Variants in CCDC127 observed in about 807,000 individuals in gnomAD.
CCDC127 encodes the protein coiled-coil domain-containing protein 127.
Under a neutral mutation model 4.1 loss-of-function variants are expected in CCDC127, and 2 were observed. The ratio of observed to expected loss-of-function variants is 0.49; its 90% CI spans 0.20 to 1.53. The LOEUF (loss-of-function observed/expected upper bound fraction) is 1.53. CCDC127 is among the 40% of genes most tolerant of loss of function. The pLI, the probability that CCDC127 is intolerant of heterozygous loss-of-function variation, is 0.23. For missense variants in CCDC127, 271 were observed against 322.9 expected, an observed-to-expected ratio of 0.84 and a Z score of 1.23; for synonymous variants, 98 against 120.4, an observed-to-expected ratio of 0.81 and a Z score of 1.22.
intron 2 of CCDC127, 52 bp downstream of exon 2, chr5:216,677 G>A: frequency 6.2e-7 from 1 of 1,612,670 alleles, no homozygotes; most frequent in South Asian, 1.1e-5. Flanking sequence ...CCTCACCGGG[G>A]CTCCACACTC....
Position 205,377 on chromosome 5 carries a change from A to G in CCDC127, c.703T>C (p.Trp235Arg). 6.2e-7 allele frequency: 1 copy of G among 1,614,232 alleles called. No homozygotes were observed. The highest frequency in any genetic ancestry group is 1.1e-5 in the South Asian group (1 of 91,088). Residue 235 changes from tryptophan to arginine, a missense_variant, in exon 3 of 3, where the codon TGG becomes CGG. Coordinates refer to ENST00000296824, the MANE Select transcript of CCDC127 (RefSeq NM_145265.3). ...AGTTCCCAGTATTTGAGATAGAGCC[A>G]CATGAGTCTGCCATTCTGGCGTTTG... Reference protein sequence around the residue: ...TNKRQNGRLMWLYLKYWELVV... With the variant: ...TNKRQNGRLMRLYLKYWELVV...
Position 203,261 on chromosome 5 carries a change from T to G in CCDC127, c.*2036A>C, listed in dbSNP as rs1202360115. The G allele has an allele frequency of 6.6e-6, 1 of 151,210 alleles. No individual in the cohort carries two copies. Among genetic ancestry groups the G allele is most frequent in the Non-Finnish European group, 1.5e-5 (1 of 67,876 alleles). The allele number at this position is 151,210 out of a possible 1,614,324, so 9.4% of individuals were successfully genotyped here. A position where few individuals can be genotyped will look rare whatever the true frequency, so the allele number is the denominator to read the frequency against. ...AAAAAATAAAAAATGAAAATAAAAGTGACTTTTTCTCAGATAAAGCGATGG... is the reference window on the plus strand; with the variant it reads ...AAAAAATAAAAAATGAAAATAAAAGGGACTTTTTCTCAGATAAAGCGATGG... On this transcript the variant is annotated 3_prime_UTR_variant, in exon 3 of 3. Coordinates refer to ENST00000296824, the MANE Select transcript of CCDC127 (RefSeq NM_145265.3).
In CCDC127 at chr5:203,297, G is replaced by A. The variant is rs549136988; in HGVS notation, c.*2000C>T. The A allele has an allele frequency of 6.6e-6, 1 of 152,142 alleles. No homozygotes were observed. The highest frequency in any genetic ancestry group is 6.5e-5 in the Admixed American group (1 of 15,272). The allele number at this position is 152,142 out of a possible 1,614,324, so 9.4% of individuals were successfully genotyped here. On this transcript the variant is annotated 3_prime_UTR_variant, in exon 3 of 3. Transcript: ENST00000296824. ...CAGATAAAGCGATGGTGGTAGAGCAGAGAGGCACGCTAGCAGCCACTGAAG... is the reference window on the plus strand; with the variant it reads ...CAGATAAAGCGATGGTGGTAGAGCAAAGAGGCACGCTAGCAGCCACTGAAG...
intron 2 of CCDC127, among the ~76,000 whole-genome samples, chr5:208,429 G>A (rs944460894): frequency 3.3e-5 from 5 of 152,218 alleles, no homozygotes; most frequent in Admixed American, 2.6e-4. Flanking sequence ...CACGATAGAG[G>A]CCTGGCAAGA....
Position 218,136 on chromosome 5 carries a change from C to G in CCDC127, c.-54G>C. The G allele has an allele frequency of 2.4e-6, 3 of 1,236,042 alleles. No individual in the cohort carries two copies. Among genetic ancestry groups the G allele is most frequent in the Non-Finnish European group, 3.0e-6 (3 of 987,852 alleles). 76.6% of individuals were successfully genotyped at this position (1,236,042 alleles called of 1,614,324 possible). A position where few individuals can be genotyped will look rare whatever the true frequency, so the allele number is the denominator to read the frequency against. ...GACCTCAGCGTTCCCTTAACGCCAC[C>G]GTCCGCGGGTCCGCTTTGCGCAGGC... On this transcript the variant is annotated 5_prime_UTR_variant, in exon 1 of 3. Transcript: ENST00000296824.
chr5:217,969 CT>C, intron 1 of CCDC127, 123 bp downstream of exon 1: 1 of 502,916 alleles, frequency 2.0e-6, no homozygotes, highest in Admixed American at 5.8e-5. Context: ...GAGCGCCCCC[CT>C]CCGACCCCAT....
In CCDC127 at chr5:205,344, C is replaced by T. The variant is rs777388776; in HGVS notation, c.736G>A (p.Glu246Lys). ...LYLKYWELVV[E>K]LKKFKRVEEA... ...TCTACTCTCTTAAACTTCTTCAGTT[C>T]GACAACGAGTTCCCAGTATTTGAGA... Residue 246 changes from glutamate to lysine, a missense_variant, in exon 3 of 3, where the codon GAA becomes AAA. Physicochemically the swap from Glu to Lys is moderately conservative, Grantham distance 56 (BLOSUM62 1). This residue lies in a region of CCDC127 where 265 missense variants were observed against 270.9 expected (regional missense o/e 0.98). Transcript: ENST00000296824. 65 of 1,613,618 alleles carry T rather than the reference C, an allele frequency of 4.0e-5. No homozygotes were observed. The highest frequency in any genetic ancestry group is 4.9e-5 in the Non-Finnish European group (58 of 1,179,856).
chr5:216,999 C>CG (rs1319032888), intron 1 of CCDC127, 140 bp from the exon 2 acceptor site: 1 of 531,230 alleles, frequency 1.9e-6, no homozygotes, highest in East Asian at 3.5e-5. Flanking sequence ...GGCATGGTGG[C>CG]GGGCACCTGT....
At chr5:215,258 T>C (rs1476056919) in intron 2 of CCDC127, 2 of 149,294 alleles carry the variant, frequency 1.3e-5, no homozygotes, top group Non-Finnish European at 2.9e-5. Context: ...CTGACCACAC[T>C]ACCTCAGCAA....
In CCDC127 at chr5:199,210, C is replaced by T. The variant is rs895272960; in HGVS notation, c.*6087G>A. ...GGGCTCCAACTCAAGTCCTTCCTGG[C>T]TTAATGACTTGTTCCACAGGTCAGG... is the stretch of plus-strand genomic sequence containing the variant. On this transcript the variant is annotated 3_prime_UTR_variant, in exon 3 of 3. Transcript: ENST00000296824. 6.6e-6 allele frequency: 1 copy of T among 152,616 alleles called. No individual in the cohort carries two copies. Among genetic ancestry groups the T allele is most frequent in the African/African-American group, 2.4e-5 (1 of 41,458 alleles). 9.5% of individuals were successfully genotyped at this position (152,616 alleles called of 1,614,324 possible).
Position 204,609 on chromosome 5 carries a change from C to G in CCDC127, c.*688G>C, listed in dbSNP as rs999507370. On this transcript the variant is annotated 3_prime_UTR_variant, in exon 3 of 3. Coordinates refer to ENST00000296824, the MANE Select transcript of CCDC127 (RefSeq NM_145265.3). Reference sequence around the variant, plus strand: ...ACAGACACAAGCCAAATTCCAAACACACATTAGGTAACAACTGGATACAAC... The same window carrying G: ...ACAGACACAAGCCAAATTCCAAACAGACATTAGGTAACAACTGGATACAAC... 3 of 152,180 alleles carry G rather than the reference C, an allele frequency of 2.0e-5. No homozygotes were observed. Among genetic ancestry groups the G allele is most frequent in the African/African-American group, 7.2e-5 (3 of 41,432 alleles). The allele number at this position is 152,180 out of a possible 1,614,324, so 9.4% of individuals were successfully genotyped here. A position where few individuals can be genotyped will look rare whatever the true frequency, so the allele number is the denominator to read the frequency against.
At chr5:217,793 A>C (rs973168021) in intron 1 of CCDC127, among the ~76,000 whole-genome samples, 40 of 152,194 alleles carry the variant, frequency 2.6e-4, no homozygotes, top group Non-Finnish European at 5.0e-4. Context: ...TGATTTACTG[A>C]GTACCTACAC....
chr5:216,974 A>C, intron 1 of CCDC127, 115 bp from the exon 2 acceptor site: 1 of 564,058 alleles, frequency 1.8e-6, no homozygotes, highest in South Asian at 2.0e-5. Flanking sequence ...GAAGAAAAAA[A>C]CTAGACCAGA....
chr5:203,465 C>T lies in CCDC127; in HGVS notation c.*1832G>A, dbSNP rs1206510107. 2.0e-5 allele frequency: 3 copies of T among 152,324 alleles called. No individual in the cohort carries two copies. The highest frequency in any genetic ancestry group is 7.2e-5 in the African/African-American group (3 of 41,470). The allele number at this position is 152,324 out of a possible 1,614,324, so 9.4% of individuals were successfully genotyped here. On this transcript the variant is annotated 3_prime_UTR_variant, in exon 3 of 3. Coordinates refer to ENST00000296824, the MANE Select transcript of CCDC127 (RefSeq NM_145265.3). ...GTCTGTTGCAGGCAGCGCATGTTGG[C>T]TCTGAGCCCGCCTCCGCCGCGCTCA... is the stretch of plus-strand genomic sequence containing the variant.
In CCDC127 at chr5:201,490, C is replaced by A. The variant is rs529827003; in HGVS notation, c.*3807G>T. 6.6e-6 allele frequency: 1 copy of A among 152,300 alleles called. No homozygotes were observed. The highest frequency in any genetic ancestry group is 2.1e-4 in the South Asian group (1 of 4,822). The allele number at this position is 152,300 out of a possible 1,614,324, so 9.4% of individuals were successfully genotyped here. A position where few individuals can be genotyped will look rare whatever the true frequency, so the allele number is the denominator to read the frequency against. On this transcript the variant is annotated 3_prime_UTR_variant, in exon 3 of 3. Coordinates refer to ENST00000296824, the MANE Select transcript of CCDC127 (RefSeq NM_145265.3). Reference sequence around the variant, plus strand: ...CACCCCATAATTGGTGCAAGGTTTGCAGAACAATTTTGTCCTTATGAAATC... The same window carrying A: ...CACCCCATAATTGGTGCAAGGTTTGAAGAACAATTTTGTCCTTATGAAATC...
In CCDC127 at chr5:197,235, A is replaced by G. The variant is rs1247241866; in HGVS notation, c.*8062T>C. 2 of 152,204 alleles carry G rather than the reference A, an allele frequency of 1.3e-5. No individual in the cohort carries two copies. Among genetic ancestry groups the G allele is most frequent in the East Asian group, 1.9e-4 (1 of 5,184 alleles). 9.4% of individuals were successfully genotyped at this position (152,204 alleles called of 1,614,324 possible). ...TGTCTCAGAGTTGAACAAATGTACA[A>G]TCGGGTTTTACACCGCGACATTCAG... On this transcript the variant is annotated 3_prime_UTR_variant, in exon 3 of 3. Transcript: ENST00000296824.
In CCDC127 at chr5:205,169, G is replaced by A; in HGVS notation, c.*128C>T. 6.1e-6 allele frequency: 5 copies of A among 816,038 alleles called. No individual in the cohort carries two copies. The highest frequency in any genetic ancestry group is 9.6e-6 in the Non-Finnish European group (5 of 518,972). The allele number at this position is 816,038 out of a possible 1,614,324, so 50.5% of individuals were successfully genotyped here. A position where few individuals can be genotyped will look rare whatever the true frequency, so the allele number is the denominator to read the frequency against. ...CTGCTCAGACGGTGGCGGGAGTGGAGGTCGCTGCTGAAGGGTGACGGTGTG... is the reference window on the plus strand; with the variant it reads ...CTGCTCAGACGGTGGCGGGAGTGGAAGTCGCTGCTGAAGGGTGACGGTGTG... On this transcript the variant is annotated 3_prime_UTR_variant, in exon 3 of 3. Coordinates refer to ENST00000296824, the MANE Select transcript of CCDC127 (RefSeq NM_145265.3).
At chr5:208,284 G>C (rs1253029237) in intron 2 of CCDC127, among the ~76,000 whole-genome samples, 1 of 152,108 alleles carries the variant, frequency 6.6e-6, no homozygotes, top group South Asian at 2.1e-4. Context: ...AACAACACGG[G>C]GGCAAGTCCT....
chr5:205,409 T>C lies in CCDC127; in HGVS notation c.671A>G (p.Asn224Ser). The C allele has an allele frequency of 6.2e-7, 1 of 1,614,226 alleles. No individual in the cohort carries two copies. The highest frequency in any genetic ancestry group is 1.1e-5 in the South Asian group (1 of 91,086). Residue 224 changes from asparagine to serine, a missense_variant, in exon 3 of 3, where the codon AAC becomes AGC. Coordinates refer to ENST00000296824, the MANE Select transcript of CCDC127 (RefSeq NM_145265.3). ...TCTGCCATTCTGGCGTTTGTTGGTG[T>C]TCCAGACATCACCACAGTATGTATC... ...QHDTYCGDVW[N>S]TNKRQNGRLM...
Sources: allele counts gnomAD v4.1 joint callset (sites outside exome capture counted in the v4.1 genomes callset), GRCh38; gene constraint gnomAD v4.1.1; regional missense constraint gnomAD v4.1.1; transcripts MANE v1.5; gene names NCBI Gene and HGNC (gene_info 2026-07-23, HGNC 2026-07-21).